PGM1: variants seen among roughly 807,000 people sequenced by gnomAD.
The protein encoded by PGM1 is phosphoglucomutase-1.
A neutral mutation model predicts 55.6 loss-of-function variants in PGM1; 52 were observed. That is an observed-to-expected ratio of 0.94 (90% CI 0.75 to 1.18). The LOEUF is 1.18. Ranked by LOEUF, PGM1 falls within the 50% of genes most tolerant of loss-of-function variation. The pLI is 0.00. For missense variants in PGM1, 724 were observed against 729.3 expected (o/e 0.99, Z 0.08); for synonymous variants, 287 against 271.7 (o/e 1.06, Z -0.55).
intron 1 of PGM1, among the ~76,000 whole-genome samples, chr1:63,610,921 G>A (rs1648547643): frequency 6.6e-6 from 1 of 152,164 alleles, no homozygotes; most frequent in Non-Finnish European, 1.5e-5. Flanking sequence ...TACGGTGTTT[G>A]GTGTTTGTAT....
chr1:63,652,018 A>G (rs965461650), intron 9 of PGM1, among the ~76,000 whole-genome samples, 166 bp downstream of exon 9: 2 of 152,200 alleles, frequency 1.3e-5, no homozygotes, highest in Admixed American at 1.3e-4. Context: ...TGACTCTCAC[A>G]TGCACTCGTT....
At chr1:63,611,948 G>A (rs950963175) in intron 1 of PGM1, among the ~76,000 whole-genome samples, 2 of 152,006 alleles carry the variant, frequency 1.3e-5, no homozygotes, top group African/African-American at 4.8e-5. Context: ...TATTTGCCCA[G>A]TAACATATTA....
Position 63,621,522 on chromosome 1 carries a change from A to G in PGM1, c.247-7903A>G, listed in dbSNP as rs556442233. On this transcript the variant is annotated intron_variant, in intron 1 of 10. Transcript: ENST00000371084. ...GACACACATGCCAGCCTAATTCACA[A>G]GCCCATATAAAACCAGGGAAAACTT... is the stretch of plus-strand genomic sequence containing the variant. 2.0e-5 allele frequency among the ~76,000 whole-genome samples: 3 copies of G among 152,358 alleles called. No homozygotes were observed. In the East Asian group the frequency reaches 5.8e-4, roughly 29 times the overall value.
chr1:63,611,168 G>T (rs1473953647), intron 1 of PGM1, among the ~76,000 whole-genome samples: 2 of 152,158 alleles, frequency 1.3e-5, no homozygotes, highest in African/African-American at 4.8e-5. Context: ...CCTCGTTAGG[G>T]TGTATTGGGG....
intron 7 of PGM1, among the ~76,000 whole-genome samples, chr1:63,639,288 G>A (rs1445247359): frequency 2.6e-5 from 4 of 152,154 alleles, no homozygotes; most frequent in Admixed American, 2.6e-4. Flanking sequence ...CCATGAGGGT[G>A]GAACTAAGTT....
intron 1 of PGM1, among the ~76,000 whole-genome samples, chr1:63,608,568 T>A (rs769068864): frequency 1.3e-5 from 2 of 152,216 alleles, no homozygotes; most frequent in Non-Finnish European, 2.9e-5. Flanking sequence ...GCCTTTTGAT[T>A]TAGCAATAAA....
chr1:63,651,900 T>G, intron 9 of PGM1, 48 bp downstream of exon 9: 2 of 1,492,330 alleles, frequency 1.3e-6, no homozygotes, highest in South Asian at 2.3e-5. Flanking sequence ...CAGAGCTTCA[T>G]CTCTGACATC....
chr1:63,615,773 C>T (rs1464367397), intron 1 of PGM1, among the ~76,000 whole-genome samples: 1 of 151,638 alleles, frequency 6.6e-6, no homozygotes, highest in Non-Finnish European at 1.5e-5. Flanking sequence ...GTTGGCCAGG[C>T]GGATCACTTG....
rs541247698 is a variant in PGM1, at chr1:63,609,212, G to C, written c.246+15478G>C. Reference sequence around the variant, plus strand: ...TCAATCTGAGATCTTCACCTGTTTTGAGTCACCAGCTAGCAGTGGCTAGCT... The same window carrying C: ...TCAATCTGAGATCTTCACCTGTTTTCAGTCACCAGCTAGCAGTGGCTAGCT... On this transcript the variant is annotated intron_variant, in intron 1 of 10. Coordinates refer to ENST00000371084, the MANE Select transcript of PGM1 (RefSeq NM_002633.3). Among the ~76,000 whole-genome samples the C allele has an allele frequency of 6.6e-4, 100 of 152,304 alleles. 1 individual carries two copies. The highest frequency in any genetic ancestry group is 2.2e-3 in the African/African-American group (91 of 41,566).
intron 1 of PGM1, chr1:63,623,214 T>A (rs1648929439): frequency 1.5e-6 from 2 of 1,352,978 alleles, no homozygotes; most frequent in Non-Finnish European, 1.9e-6. Context: ...AGTGTCCTCA[T>A]CAAAACAACT....
intron 1 of PGM1, 35 bp downstream of exon 1, chr1:63,593,769 C>G: frequency 6.4e-7 from 1 of 1,556,570 alleles, no homozygotes; most frequent in Non-Finnish European, 8.6e-7. Context: ...GCTGTGCACC[C>G]TGGCGCGTGT....
intron 7 of PGM1, among the ~76,000 whole-genome samples, chr1:63,643,075 C>T (rs1250558884): frequency 4.6e-5 from 7 of 152,148 alleles, no homozygotes; most frequent in Non-Finnish European, 8.8e-5. Flanking sequence ...ATCAGATTTT[C>T]TTTCTGGCTT....
At chr1:63,628,670 T>C (rs1649104506) in intron 1 of PGM1, among the ~76,000 whole-genome samples, 1 of 152,196 alleles carries the variant, frequency 6.6e-6, no homozygotes, top group African/African-American at 2.4e-5. Context: ...TTACTGTCAT[T>C]TTAGCAAAAA....
intron 4 of PGM1, among the ~76,000 whole-genome samples, chr1:63,633,751 T>C (rs781514050): frequency 6.6e-6 from 1 of 150,592 alleles, no homozygotes; most frequent in Non-Finnish European, 1.5e-5. Flanking sequence ...CACTGTAACC[T>C]CCGCCTCCGA....
At chr1:63,600,966 G>T (rs1008911958) in intron 1 of PGM1, among the ~76,000 whole-genome samples, 3 of 152,058 alleles carry the variant, frequency 2.0e-5, no homozygotes, top group African/African-American at 7.3e-5. Flanking sequence ...TTGGACTCTA[G>T]GGTAGGGAAA....
chr1:63,655,028 G>A (rs1336564958), intron 10 of PGM1, among the ~76,000 whole-genome samples: 1 of 150,100 alleles, frequency 6.7e-6, no homozygotes. Context: ...GAGTGCAATG[G>A]CACAATCTCA....
chr1:63,604,917 CTGTGTGTGTGTG>C (rs60618789), intron 1 of PGM1, among the ~76,000 whole-genome samples: 39 of 118,836 alleles, frequency 3.3e-4, no homozygotes, highest in East Asian at 1.3e-3. Flanking sequence ...TTACATAACT[CTGTGTGTGTGTG>C]TGTGTGTGTG....
intron 5 of PGM1, among the ~76,000 whole-genome samples, chr1:63,635,936 A>T (rs1407166001): frequency 6.6e-6 from 1 of 152,192 alleles, no homozygotes; most frequent in Non-Finnish European, 1.5e-5. Context: ...GTCTGAAAAA[A>T]GTCTAGGAGG....
intron 6 of PGM1, among the ~76,000 whole-genome samples, chr1:63,636,815 A>T (rs570105729): frequency 1.3e-5 from 2 of 152,340 alleles, no homozygotes; most frequent in South Asian, 4.1e-4. Context: ...TAACAATGGA[A>T]GTACTCAAGA....
Sources: allele counts gnomAD v4.1 joint callset (sites outside exome capture counted in the v4.1 genomes callset), GRCh38; gene constraint gnomAD v4.1.1; transcripts MANE v1.5; gene names NCBI Gene and HGNC (gene_info 2026-07-23, HGNC 2026-07-21).